Variants in FDFT1 observed in about 807,000 individuals in gnomAD.
The protein encoded by FDFT1 is farnesyl-diphosphate farnesyltransferase 1, also known as squalene synthase.
FDFT1 carries 68 observed loss-of-function variants against 46.8 expected under a neutral mutation model. The ratio of observed to expected loss-of-function variants is 1.45; its 90% CI spans 1.19 to 1.78. FDFT1 has a LOEUF of 1.78. Ranked by LOEUF, FDFT1 falls within the 40% of genes most tolerant of loss-of-function variation. The pLI, the probability that FDFT1 is intolerant of heterozygous loss-of-function variation, is 0.00. For missense variants in FDFT1, 928 were observed against 524.4 expected (o/e 1.77, Z -7.52); for synonymous variants, 351 against 185.1 (o/e 1.90, Z -7.28).
At chr8:11,803,129 T>C in intron 1 of FDFT1, 198 bp downstream of exon 1, 1 of 1,429,288 alleles carries the variant, frequency 7.0e-7, no homozygotes, top group Non-Finnish European at 9.1e-7. Flanking sequence ...GACCTGTCCC[T>C]GCCCCCGCAA....
chr8:11,808,681 G>C, intron 1 of FDFT1, 113 bp from the exon 2 acceptor site: 5 of 1,493,168 alleles, frequency 3.3e-6, no homozygotes, highest in Non-Finnish European at 4.5e-6. Context: ...CGGGGAGAGG[G>C]CGGCAGGCTG....
chr8:11,810,488 T>C (rs141048798), intron 3 of FDFT1, among the ~76,000 whole-genome samples: 54 of 152,330 alleles, frequency 3.5e-4, no homozygotes, highest in Non-Finnish European at 6.8e-4. Flanking sequence ...TCCTCGTTTG[T>C]AAAGTTAGAG....
chr8:11,838,362 AT>A (rs755037036), intron 7 of FDFT1, 25 bp from the exon 8 acceptor site: 8 of 1,562,110 alleles, frequency 5.1e-6, no homozygotes, highest in South Asian at 1.1e-5. Context: ...CATAGCACTT[AT>A]CATTTTTTCC....
At chr8:11,828,524 C>G (rs1810325113) in intron 5 of FDFT1, among the ~76,000 whole-genome samples, 1 of 152,246 alleles carries the variant, frequency 6.6e-6, no homozygotes, top group Non-Finnish European at 1.5e-5. Context: ...AGGCCAGCCC[C>G]TGACCACTGT....
intron 3 of FDFT1, 37 bp from the exon 4 acceptor site, chr8:11,821,712 AT>A: frequency 6.2e-7 from 1 of 1,608,834 alleles, no homozygotes; most frequent in African/African-American, 1.3e-5. Context: ...GTCTGTACAT[AT>A]TTCATGATTT....
intron 1 of FDFT1, among the ~76,000 whole-genome samples, chr8:11,797,136 C>T (rs559796933): frequency 9.2e-5 from 14 of 152,138 alleles, no homozygotes; most frequent in Non-Finnish European, 1.8e-4. Flanking sequence ...AACTGGTGGG[C>T]GTGTCTTAAG....
chr8:11,825,840 A>C (rs1809896332), intron 4 of FDFT1, among the ~76,000 whole-genome samples, 184 bp from the exon 5 acceptor site: 1 of 152,214 alleles, frequency 6.6e-6, no homozygotes, highest in African/African-American at 2.4e-5. Context: ...ACTGCTATGA[A>C]ATGTTTTGAG....
intron 5 of FDFT1, among the ~76,000 whole-genome samples, chr8:11,826,678 G>T (rs891505828): frequency 3.9e-5 from 6 of 152,180 alleles, no homozygotes; most frequent in Admixed American, 3.9e-4. Context: ...AGCCGGGCGT[G>T]GTGGCAAGGG....
At chr8:11,813,582 T>C (rs757721407) in intron 3 of FDFT1, among the ~76,000 whole-genome samples, 1 of 152,228 alleles carries the variant, frequency 6.6e-6, no homozygotes, top group Admixed American at 6.5e-5. Context: ...GCTTCAGATC[T>C]CTTGTGCTGA....
chr8:11,814,798 C>A (rs577864372), intron 3 of FDFT1, among the ~76,000 whole-genome samples: 1 of 148,254 alleles, frequency 6.7e-6, no homozygotes, highest in South Asian at 2.1e-4. Context: ...AATTGGGTAA[C>A]TAATGAGATA....
chr8:11,808,688 G>A (rs952411205), intron 1 of FDFT1, 106 bp from the exon 2 acceptor site: 2 of 1,487,162 alleles, frequency 1.3e-6, no homozygotes, highest in African/African-American at 1.4e-5. Flanking sequence ...AGGGCGGCAG[G>A]CTGTGGAGCC....
chr8:11,826,814 CAAAAG>C (rs750807675), intron 5 of FDFT1, among the ~76,000 whole-genome samples: 10 of 152,110 alleles, frequency 6.6e-5, no homozygotes, highest in Non-Finnish European at 1.3e-4. Context: ...GACTCCCTCT[CAAAAG>C]AAGAGGAAGG....
At chr8:11,823,726 A>G (rs1809576898) in intron 4 of FDFT1, among the ~76,000 whole-genome samples, 1 of 151,860 alleles carries the variant, frequency 6.6e-6, no homozygotes, top group Non-Finnish European at 1.5e-5. Context: ...CGTTGCCACC[A>G]TGCCTGGCTA....
At chr8:11,821,451 C>T (rs548818380) in intron 3 of FDFT1, among the ~76,000 whole-genome samples, 6 of 152,102 alleles carry the variant, frequency 3.9e-5, no homozygotes, top group Non-Finnish European at 5.9e-5. Context: ...ATTAGCTGGG[C>T]GTGGTGGTGC....
chr8:11,828,561 G>A (rs1452373375), intron 5 of FDFT1, among the ~76,000 whole-genome samples: 1 of 152,226 alleles, frequency 6.6e-6, no homozygotes, highest in African/African-American at 2.4e-5. Context: ...CAGAACATCA[G>A]CCACGGGCAT....
At chr8:11,815,574 G>C (rs1808332910) in intron 3 of FDFT1, among the ~76,000 whole-genome samples, 1 of 152,208 alleles carries the variant, frequency 6.6e-6, no homozygotes, top group Non-Finnish European at 1.5e-5. Context: ...TAACTGGCTT[G>C]AGATGGTATC....
Position 11,803,378 on chromosome 8 carries a change from C to G in FDFT1, c.99+447C>G, listed in dbSNP as rs113504791. On this transcript the variant is annotated intron_variant, in intron 1 of 7. Coordinates refer to ENST00000220584, the MANE Select transcript of FDFT1 (RefSeq NM_004462.5). ...AAGTCTGACTCCTCCAGTTTCACCA[C>G]CTCTTCCGGAGCTCTCCCCGCCTTG... The G allele has an allele frequency of 1.0e-3, 1,348 of 1,289,870 alleles. 11 individuals are homozygous for G. Among genetic ancestry groups the G allele is most frequent in the African/African-American group, 9.4e-3 (621 of 65,984 alleles). 79.9% of individuals were successfully genotyped at this position (1,289,870 alleles called of 1,614,324 possible).
At chr8:11,802,261 C>G (rs1025466226), upstream of FDFT1, 21 of 383,304 alleles carry the variant, frequency 5.5e-5, 1 homozygote, top group South Asian at 3.2e-4. Flanking sequence ...GTTTTAGGCT[C>G]TACAGAGAGC....
At chr8:11,837,232 G>A (rs1811666937) in intron 7 of FDFT1, among the ~76,000 whole-genome samples, 2 of 151,392 alleles carry the variant, frequency 1.3e-5, no homozygotes, top group African/African-American at 4.9e-5. Context: ...TTGTTCTTTT[G>A]TTTTTGTTTG....
Sources: allele counts gnomAD v4.1 joint callset (sites outside exome capture counted in the v4.1 genomes callset), GRCh38; gene constraint gnomAD v4.1.1; transcripts MANE v1.5; gene names NCBI Gene and HGNC (gene_info 2026-07-23, HGNC 2026-07-21).